The following ENOX1 variants were observed in gnomAD, a reference collection of about 807,000 sequenced individuals.
ENOX1 encodes candidate growth-related and time keeping constitutive hydroquinone (NADH) oxidase.
ENOX1 carries 42 observed loss-of-function variants against 82.5 expected under a neutral mutation model. That is an observed-to-expected ratio of 0.51 (90% CI 0.40 to 0.66). The LOEUF (loss-of-function observed/expected upper bound fraction) is 0.66, where lower values mean the gene tolerates loss of function less well. Among genes scored for constraint, ENOX1 ranks in the 30% least tolerant of loss-of-function variants. ENOX1 has a pLI of 0.00. For missense variants in ENOX1, 608 were observed against 811.6 expected (o/e 0.75, Z 3.05); for synonymous variants, 271 against 282.2 (o/e 0.96, Z 0.40).
chr13:43,757,772 C>T (rs192987098), intron 1 of ENOX1, among the ~76,000 whole-genome samples: 2 of 152,224 alleles, frequency 1.3e-5, no homozygotes, highest in Non-Finnish European at 2.9e-5. Context: ...ACACTAAACA[C>T]GCAATTACCT....
chr13:43,691,530 A>C, intron 1 of ENOX1, among the ~76,000 whole-genome samples: 1 of 152,098 alleles, frequency 6.6e-6, no homozygotes. Flanking sequence ...GACTTCTGTC[A>C]CACATTTCAC....
intron 14 of ENOX1, among the ~76,000 whole-genome samples, chr13:43,244,871 C>T (rs1331598970): frequency 2.0e-5 from 3 of 152,186 alleles, no homozygotes; most frequent in East Asian, 1.9e-4. Flanking sequence ...GCTAATTGCT[C>T]ATAGGCCCTA....
chr13:43,470,171 T>C (rs191075939), intron 3 of ENOX1, among the ~76,000 whole-genome samples: 1,980 of 148,544 alleles, frequency 0.013, 54 homozygotes, highest in Middle Eastern at 0.035. Flanking sequence ...ACTATAAAGT[T>C]TTCAAACTAT....
intron 3 of ENOX1, among the ~76,000 whole-genome samples, chr13:43,466,662 A>G (rs2057738903): frequency 6.6e-6 from 1 of 152,234 alleles, no homozygotes; most frequent in South Asian, 2.1e-4. Context: ...TATATAATGT[A>G]TAGTTCACTC....
chr13:43,609,129 T>G (rs2082092133), intron 2 of ENOX1, among the ~76,000 whole-genome samples: 1 of 152,202 alleles, frequency 6.6e-6, no homozygotes, highest in African/African-American at 2.4e-5. Context: ...GATCTGACAT[T>G]TTTCCTGTCT....
intron 3 of ENOX1, among the ~76,000 whole-genome samples, chr13:43,419,038 T>C (rs1300232795): frequency 6.6e-6 from 1 of 151,818 alleles, no homozygotes; most frequent in Non-Finnish European, 1.5e-5. Context: ...CTTAGCTGGG[T>C]ATGGTGGCGG....
chr13:43,594,971 C>T (rs973424815), intron 2 of ENOX1, among the ~76,000 whole-genome samples: 2 of 151,754 alleles, frequency 1.3e-5, no homozygotes, highest in Non-Finnish European at 2.9e-5. Flanking sequence ...TCTAAGCATG[C>T]GCTAAGAAGG....
chr13:43,547,401 A>T (rs1422946892), intron 2 of ENOX1: 3 of 152,244 alleles, frequency 2.0e-5, no homozygotes, highest in African/African-American at 7.2e-5. Flanking sequence ...CTAACTTAAT[A>T]TGTACTTCCA....
chr13:43,682,186 G>A (rs112955928), intron 1 of ENOX1, among the ~76,000 whole-genome samples: 1 of 152,044 alleles, frequency 6.6e-6, no homozygotes, highest in South Asian at 2.1e-4. Flanking sequence ...AAAGCCTCCT[G>A]GTTTGCTTAT....
intron 2 of ENOX1, among the ~76,000 whole-genome samples, chr13:43,558,553 A>G (rs1434140418): frequency 6.6e-6 from 1 of 152,160 alleles, no homozygotes; most frequent in East Asian, 1.9e-4. Context: ...AACCCTGATC[A>G]TTGGGAATTA....
At chr13:43,572,813 T>A (rs936967656) in intron 2 of ENOX1, among the ~76,000 whole-genome samples, 1 of 152,234 alleles carries the variant, frequency 6.6e-6, no homozygotes, top group Non-Finnish European at 1.5e-5. Context: ...GTAATCCTCC[T>A]GGCATCTATC....
chr13:43,284,732 CTTCCCCAGTAAATAAGGCTG>C (rs1168921257), intron 12 of ENOX1, among the ~76,000 whole-genome samples: 1 of 151,084 alleles, frequency 6.6e-6, no homozygotes, highest in Non-Finnish European at 1.5e-5. Flanking sequence ...TCTTTATTTT[CTTCCCCAGTAAATAAGGCTG>C]TTGTGGCTAT....
chr13:43,751,559 G>A (rs1035793718), intron 1 of ENOX1, among the ~76,000 whole-genome samples: 5 of 152,044 alleles, frequency 3.3e-5, no homozygotes, highest in Non-Finnish European at 7.4e-5. Flanking sequence ...CTCATCCCCA[G>A]GGAACGACTG....
chr13:43,333,819 C>T (rs182598787), intron 9 of ENOX1, among the ~76,000 whole-genome samples: 73 of 152,330 alleles, frequency 4.8e-4, no homozygotes, highest in African/African-American at 1.7e-3. Context: ...GACGGGGTTT[C>T]ACCCCGTTGG....
chr13:43,264,147 T>G (rs1433463016), intron 14 of ENOX1, among the ~76,000 whole-genome samples: 1 of 152,224 alleles, frequency 6.6e-6, no homozygotes, highest in African/African-American at 2.4e-5. Context: ...ATTACAATAT[T>G]ATGACATGCT....
At chr13:43,726,838 T>C (rs2089004340) in intron 1 of ENOX1, among the ~76,000 whole-genome samples, 1 of 151,762 alleles carries the variant, frequency 6.6e-6, no homozygotes, top group Non-Finnish European at 1.5e-5. Flanking sequence ...GCCTCCCAGG[T>C]TCAAGCAATT....
At chr13:43,372,202 G>A (rs2051289097) in intron 5 of ENOX1, among the ~76,000 whole-genome samples, 1 of 152,152 alleles carries the variant, frequency 6.6e-6, no homozygotes, top group Non-Finnish European at 1.5e-5. Flanking sequence ...CTTATTAAGT[G>A]AATAGTAAGA....
intron 2 of ENOX1, among the ~76,000 whole-genome samples, chr13:43,560,494 T>C (rs945932435): frequency 6.6e-6 from 1 of 152,142 alleles, no homozygotes; most frequent in Non-Finnish European, 1.5e-5. Context: ...TTGCCATCAT[T>C]AATGAGGCCA....
At chr13:43,494,397 C>T (rs1053474986) in intron 2 of ENOX1, among the ~76,000 whole-genome samples, 1 of 152,154 alleles carries the variant, frequency 6.6e-6, no homozygotes, top group Non-Finnish European at 1.5e-5. Flanking sequence ...AAATATTGTA[C>T]TGTGTCCAGC....
Sources: gnomAD v4.1 joint callset for allele counts (sites outside exome capture counted in the v4.1 genomes callset) on GRCh38, gnomAD v4.1.1 for gene constraint, MANE v1.5 for transcripts, NCBI Gene and HGNC (gene_info 2026-07-23, HGNC 2026-07-21) for gene names.